Variants in FAM13A observed in about 807,000 individuals in gnomAD.
FAM13A encodes the protein protein FAM13A.
FAM13A carries 76 observed loss-of-function variants against 129.6 expected under a neutral mutation model. That is an observed-to-expected ratio of 0.59 (90% CI 0.49 to 0.71). The LOEUF is 0.71. Ranked by LOEUF, FAM13A falls within the 30% of genes least tolerant of loss-of-function variation. FAM13A has a pLI of 0.00. For missense variants in FAM13A, 1,108 were observed against 1,249.3 expected (o/e 0.89, Z 1.70); for synonymous variants, 443 against 449.9 (o/e 0.98, Z 0.20).
intron 7 of FAM13A, among the ~76,000 whole-genome samples, chr4:88,842,443 T>C (rs1200137122): frequency 6.6e-6 from 1 of 152,254 alleles, no homozygotes; most frequent in African/African-American, 2.4e-5. Flanking sequence ...TGAACTTAAT[T>C]CAACAAATCC....
At chr4:89,047,952 C>G (rs1476945678) in intron 1 of FAM13A, among the ~76,000 whole-genome samples, 1 of 152,104 alleles carries the variant, frequency 6.6e-6, no homozygotes, top group Non-Finnish European at 1.5e-5. Flanking sequence ...TACTAACTCA[C>G]TACAATGGTT....
At chr4:88,837,741 C>CAAAACAA (rs1554000649) in intron 7 of FAM13A, among the ~76,000 whole-genome samples, 5 of 127,598 alleles carry the variant, frequency 3.9e-5, no homozygotes, top group Admixed American at 1.5e-4. Flanking sequence ...AAAAAAAAAG[C>CAAAACAA]AAAACAAAAC....
chr4:88,981,776 G>A (rs1761689752), intron 4 of FAM13A, among the ~76,000 whole-genome samples: 1 of 152,200 alleles, frequency 6.6e-6, no homozygotes, highest in Non-Finnish European at 1.5e-5. Context: ...TTGGCAGTCT[G>A]GAATTCCCCA....
intron 4 of FAM13A, among the ~76,000 whole-genome samples, chr4:88,966,386 T>C (rs1459077241): frequency 2.6e-5 from 4 of 152,168 alleles, no homozygotes; most frequent in Non-Finnish European, 5.9e-5. Context: ...AGGGACTATG[T>C]TCTAGGCGTT....
intron 4 of FAM13A, among the ~76,000 whole-genome samples, chr4:88,971,249 T>A (rs1344450842): frequency 1.3e-5 from 2 of 152,042 alleles, no homozygotes; most frequent in African/African-American, 4.8e-5. Flanking sequence ...ACAAAAGTCA[T>A]CAAAGGGAAA....
intron 6 of FAM13A, among the ~76,000 whole-genome samples, chr4:88,884,231 C>T (rs1036777715): frequency 3.9e-5 from 6 of 152,212 alleles, no homozygotes; most frequent in African/African-American, 1.4e-4. Flanking sequence ...AGACCAATAT[C>T]CCTGATGAAC....
At chr4:88,866,171 C>T (rs868438742) in intron 6 of FAM13A, among the ~76,000 whole-genome samples, 8 of 152,056 alleles carry the variant, frequency 5.3e-5, no homozygotes, top group Middle Eastern at 3.2e-3. Context: ...CTCAGCCTCC[C>T]GAGTAGCTGG....
At chr4:89,056,228 C>A (rs1772180986) in intron 1 of FAM13A, among the ~76,000 whole-genome samples, 1 of 152,098 alleles carries the variant, frequency 6.6e-6, no homozygotes, top group Admixed American at 6.6e-5. Context: ...CAGCATTCTG[C>A]AAATTATATA....
chr4:89,050,698 C>T (rs761694086), intron 1 of FAM13A, among the ~76,000 whole-genome samples: 15 of 151,652 alleles, frequency 9.9e-5, no homozygotes, highest in African/African-American at 1.7e-4. Flanking sequence ...GAGGCCAAGG[C>T]GGGTGGATCA....
intron 21 of FAM13A, 26 bp downstream of exon 21, chr4:88,737,446 A>C (rs1283368070): frequency 6.2e-7 from 1 of 1,600,544 alleles, no homozygotes; most frequent in East Asian, 2.2e-5. Context: ...CGGATTTAGC[A>C]ATGGGTTAGC....
chr4:88,996,356 G>T (rs969345951), intron 3 of FAM13A, among the ~76,000 whole-genome samples: 1 of 152,164 alleles, frequency 6.6e-6, no homozygotes, highest in Non-Finnish European at 1.5e-5. Context: ...TACTTAAGAG[G>T]TTACTGTAAC....
intron 5 of FAM13A, among the ~76,000 whole-genome samples, chr4:88,912,568 T>TACACAC (rs71594867): frequency 7.3e-4 from 107 of 146,200 alleles, no homozygotes; most frequent in South Asian, 5.2e-3. Context: ...CACACATACA[T>TACACAC]ACACACACAC....
intron 6 of FAM13A, among the ~76,000 whole-genome samples, chr4:88,868,622 C>G (rs1287566262): frequency 6.6e-6 from 1 of 152,166 alleles, no homozygotes; most frequent in African/African-American, 2.4e-5. Flanking sequence ...TGGCCCCAGA[C>G]TATTTCCGCA....
intron 2 of FAM13A, 101 bp from the exon 3 acceptor site, chr4:89,020,770 C>A (rs1708673): frequency 0.1 from 73,310 of 736,304 alleles, 3,993 homozygotes; most frequent in African/African-American, 0.15. Flanking sequence ...GCATATGATT[C>A]TCTCAACACT....
intron 6 of FAM13A, among the ~76,000 whole-genome samples, chr4:88,890,022 C>T (rs1196409402): frequency 6.6e-6 from 1 of 152,178 alleles, no homozygotes; most frequent in Middle Eastern, 3.2e-3. Context: ...AAAATGAGGG[C>T]AACCAGGATA....
In FAM13A at chr4:88,998,907, A is replaced by G. The variant is rs1026412588; in HGVS notation, c.428-7757T>C. 5.9e-5 allele frequency among the ~76,000 whole-genome samples: 9 copies of G among 152,180 alleles called. 1 individual carries two copies. The South Asian group carries it at 1.7e-3, about 28-fold the overall frequency. On this transcript the variant is annotated intron_variant, in intron 3 of 23. Coordinates refer to ENST00000264344, the MANE Select transcript of FAM13A (RefSeq NM_014883.4). ...ACAAATCTCTTACAACCTCATGACC[A>G]TGATATGGTTCTCAGAGGCCTCACG...
chr4:88,820,999 T>A (rs977162157), intron 7 of FAM13A, among the ~76,000 whole-genome samples: 1 of 152,188 alleles, frequency 6.6e-6, no homozygotes, highest in African/African-American at 2.4e-5. Context: ...CTGCTAAGGC[T>A]CTGGAACCTT....
At chr4:89,021,904 G>A (rs1202314154) in intron 2 of FAM13A, among the ~76,000 whole-genome samples, 1 of 152,160 alleles carries the variant, frequency 6.6e-6, no homozygotes, top group Non-Finnish European at 1.5e-5. Context: ...ATAAGATTAG[G>A]GGGTAGGGAT....
At chr4:88,941,481 T>C (rs1317665848) in intron 4 of FAM13A, among the ~76,000 whole-genome samples, 2 of 152,246 alleles carry the variant, frequency 1.3e-5, no homozygotes, top group Non-Finnish European at 2.9e-5. Context: ...GGGACACTTA[T>C]TCTACTTAAT....
Sources: gnomAD v4.1 joint callset for allele counts (sites outside exome capture counted in the v4.1 genomes callset) on GRCh38, gnomAD v4.1.1 for gene constraint, MANE v1.5 for transcripts, NCBI Gene and HGNC (gene_info 2026-07-23, HGNC 2026-07-21) for gene names.